The following ONECUT2 variants were observed in gnomAD, a reference collection of about 807,000 sequenced individuals.
ONECUT2 encodes one cut domain family member 2.
In ONECUT2, 10 loss-of-function variants were observed where a neutral mutation model predicts 27.9. The observed-to-expected ratio is 0.36, with a 90% CI of 0.22 to 0.61. The LOEUF (loss-of-function observed/expected upper bound fraction) is 0.61. Ranked by LOEUF, ONECUT2 falls within the 20% of genes least tolerant of loss-of-function variation. The pLI is 0.73. For missense variants in ONECUT2, 686 were observed against 721.0 expected (o/e 0.95, Z 0.56); for synonymous variants, 334 against 315.1 (o/e 1.06, Z -0.64).
chr18:57,457,424 G>A (rs1035825699), intron 1 of ONECUT2, among the ~76,000 whole-genome samples: 3 of 152,058 alleles, frequency 2.0e-5, no homozygotes, highest in East Asian at 1.9e-4. Flanking sequence ...CCTTACCCCA[G>A]GTTCTAGAAG....
chr18:57,470,838 G>A (rs1306726043), intron 1 of ONECUT2, among the ~76,000 whole-genome samples: 3 of 151,698 alleles, frequency 2.0e-5, no homozygotes, highest in Non-Finnish European at 4.4e-5. Flanking sequence ...TTCGGGAATG[G>A]GCCCTCCCCC....
At chr18:57,450,974 CT>C in intron 1 of ONECUT2, among the ~76,000 whole-genome samples, 1 of 152,070 alleles carries the variant, frequency 6.6e-6, no homozygotes, top group East Asian at 1.9e-4. Flanking sequence ...CCCTTTTTGA[CT>C]TTACTGTATA....
intron 1 of ONECUT2, among the ~76,000 whole-genome samples, chr18:57,455,281 A>G (rs1364884053): frequency 6.6e-6 from 1 of 152,236 alleles, no homozygotes; most frequent in African/African-American, 2.4e-5. Context: ...GAAAAGAAAG[A>G]AAACCTGTAG....
chr18:57,474,793 C>T (rs143792028), intron 1 of ONECUT2, among the ~76,000 whole-genome samples: 1 of 152,186 alleles, frequency 6.6e-6, no homozygotes, highest in Non-Finnish European at 1.5e-5. Flanking sequence ...ATGCAGTGCC[C>T]GAAGGCCAGG....
At chr18:57,460,993 T>C (rs1443867672) in intron 1 of ONECUT2, among the ~76,000 whole-genome samples, 4 of 152,258 alleles carry the variant, frequency 2.6e-5, no homozygotes, top group Admixed American at 2.0e-4. Flanking sequence ...CCCAAATCTT[T>C]ATTTATGTCC....
At position 57,476,560 on chromosome 18, in the gene ONECUT2, C is replaced by T. The variant is rs1385109761; in HGVS notation, c.1352C>T (p.Pro451Leu). The T allele has an allele frequency of 2.5e-6, 4 of 1,614,198 alleles. No individual in the cohort carries two copies. The highest frequency in any genetic ancestry group is 2.2e-5 in the East Asian group (1 of 44,880). Residue 451 changes from proline to leucine, a missense_variant, in exon 2 of 2, where the codon CCG becomes CTG. Around this residue, in one of 4 missense-constraint regions of ONECUT2, gnomAD observed 77 missense variants for 105.5 expected, o/e 0.73. Coordinates refer to ENST00000491143, the MANE Select transcript of ONECUT2 (RefSeq NM_004852.3). Reference sequence around the variant, plus strand: ...GCCATCTTCAAGGAGAACAAACGCCCGTCAAAGGAGATGCAGATCACCATT... The same window carrying T: ...GCCATCTTCAAGGAGAACAAACGCCTGTCAAAGGAGATGCAGATCACCATT... ...LFAIFKENKR[P>L]SKEMQITISQ...
chr18:57,476,134 T>G (rs552609416), intron 1 of ONECUT2, among the ~76,000 whole-genome samples: 2 of 152,210 alleles, frequency 1.3e-5, no homozygotes, highest in Admixed American at 1.3e-4. Flanking sequence ...ATTTCAGAGA[T>G]AAAGAATTTC....
At position 57,486,451 on chromosome 18, in the gene ONECUT2, A is replaced by T. The variant is rs2050438866; in HGVS notation, c.*9728A>T. Reference sequence around the variant, plus strand: ...TTTTTTCTAGTTCTTCACGGTTCCAAAGCTTTACTATGAACCTGGGCATGT... The same window carrying T: ...TTTTTTCTAGTTCTTCACGGTTCCATAGCTTTACTATGAACCTGGGCATGT... On this transcript the variant is annotated 3_prime_UTR_variant, in exon 2 of 2. Transcript: ENST00000491143. 1 of 152,542 alleles carries T rather than the reference A, an allele frequency of 6.6e-6. No homozygotes were observed. The highest frequency in any genetic ancestry group is 2.4e-5 in the African/African-American group (1 of 41,388). 9.4% of individuals were successfully genotyped at this position (152,542 alleles called of 1,614,324 possible).
intron 1 of ONECUT2, 98 bp downstream of exon 1, chr18:57,437,042 T>G: frequency 1.4e-6 from 2 of 1,455,804 alleles, no homozygotes; most frequent in South Asian, 2.9e-5. Context: ...TTCTCTTGAT[T>G]CTTTCCTTCT....
At chr18:57,452,508 T>A (rs12962152) in intron 1 of ONECUT2, among the ~76,000 whole-genome samples, 6,522 of 152,212 alleles carry the variant, frequency 0.043, 598 homozygotes, top group East Asian at 0.37. Flanking sequence ...CACTGCAACC[T>A]CCACCTACTG....
rs539751415 is a variant in ONECUT2, at chr18:57,489,875, A to G, written c.*13152A>G. The G allele has an allele frequency of 6.6e-6, 1 of 152,316 alleles. No individual in the cohort carries two copies. Among genetic ancestry groups the G allele is most frequent in the African/African-American group, 2.4e-5 (1 of 41,584 alleles). The allele number at this position is 152,316 out of a possible 1,614,324, so 9.4% of individuals were successfully genotyped here. ...CACATTGATAACTTGATAAATAACC[A>G]CTAAAGTTTAGATGCAGGGACTGAG... is the stretch of plus-strand genomic sequence containing the variant. On this transcript the variant is annotated 3_prime_UTR_variant, in exon 2 of 2. Coordinates refer to ENST00000491143, the MANE Select transcript of ONECUT2 (RefSeq NM_004852.3).
chr18:57,436,699 G>C lies in ONECUT2; in HGVS notation c.983G>C (p.Gly328Ala). The change falls in exon 1 of 2, where the codon GGC becomes GCC. Residue 328 changes from glycine (G) to alanine (A), a missense_variant. Gly to Ala is a moderately conservative substitution (Grantham distance 60). Around this residue, in one of 4 missense-constraint regions of ONECUT2, gnomAD observed 511 missense variants for 488.1 expected, o/e 1.05. Coordinates refer to ENST00000491143, the MANE Select transcript of ONECUT2 (RefSeq NM_004852.3). The surrounding 1 kb of genome is among the most constrained non-coding windows in gnomAD (Gnocchi z 5.9). ...SSSGSQVATS[G>A]QLEEINTKEV... ...TCGGGCTCGCAGGTGGCCACGTCGG[G>C]CCAGCTGGAAGAAATCAACACCAAA... is the stretch of plus-strand genomic sequence containing the variant. 1 of 1,613,590 alleles carries C rather than the reference G, an allele frequency of 6.2e-7. No individual in the cohort carries two copies. The highest frequency in any genetic ancestry group is 8.5e-7 in the Non-Finnish European group (1 of 1,180,006).
At chr18:57,456,795 A>AT (rs982277028) in intron 1 of ONECUT2, among the ~76,000 whole-genome samples, 1 of 152,218 alleles carries the variant, frequency 6.6e-6, no homozygotes, top group Non-Finnish European at 1.5e-5. Context: ...TGCTTGCTCA[A>AT]TTTTTAAAAA....
chr18:57,464,256 T>C (rs1246282856), intron 1 of ONECUT2, among the ~76,000 whole-genome samples: 2 of 152,178 alleles, frequency 1.3e-5, no homozygotes. Context: ...ACTCAACTTA[T>C]GTAAGCTTTT....
chr18:57,475,850 T>C (rs1301541962), intron 1 of ONECUT2, among the ~76,000 whole-genome samples: 1 of 152,192 alleles, frequency 6.6e-6, no homozygotes, highest in Non-Finnish European at 1.5e-5. Flanking sequence ...TTCTGTTTGT[T>C]TTGTTCTAAT....
At chr18:57,437,192 G>GCCCC (rs2050147389) in intron 1 of ONECUT2, among the ~76,000 whole-genome samples, 1 of 107,922 alleles carries the variant, frequency 9.3e-6, no homozygotes, top group African/African-American at 4.4e-5. Flanking sequence ...TTCATTGACC[G>GCCCC]ACCCCCCCCC....
Position 57,436,608 on chromosome 18 carries a change from C to T in ONECUT2, c.892C>T (p.Pro298Ser), listed in dbSNP as rs746158638. Residue 298 changes from proline (P) to serine (S), a missense_variant, in exon 1 of 2, where the codon CCG (proline) becomes TCG (serine). Around this residue, in one of 4 missense-constraint regions of ONECUT2, gnomAD observed 511 missense variants for 488.1 expected, o/e 1.05. Coordinates refer to ENST00000491143, the MANE Select transcript of ONECUT2 (RefSeq NM_004852.3). The surrounding 1 kb of genome is among the most constrained non-coding windows in gnomAD (Gnocchi z 5.9). ...MMSHLNGLHH[P>S]GHTQSHGPVL... ...GTCGCACCTGAACGGCCTGCACCAC[C>T]CGGGCCACACTCAGTCTCACGGGCC... 1.2e-6 allele frequency: 2 copies of T among 1,610,800 alleles called. No homozygotes were observed. Among genetic ancestry groups the T allele is most frequent in the East Asian group, 2.2e-5 (1 of 44,872 alleles).
In ONECUT2 at chr18:57,469,561, C is replaced by T. The variant is rs950618757; in HGVS notation, c.1229-6876C>T. Among the ~76,000 whole-genome samples, 26 of 152,210 alleles carry T rather than the reference C, an allele frequency of 1.7e-4. 1 individual carries two copies. The highest frequency in any genetic ancestry group is 7.3e-5 in the Non-Finnish European group (5 of 68,030). ...CCAAAACCTTTTAGGATCTCTGACA[C>T]GTATGTAAAAACACGTCGTAGTCTT... On this transcript the variant is annotated intron_variant, in intron 1 of 1. Coordinates refer to ENST00000491143, the MANE Select transcript of ONECUT2 (RefSeq NM_004852.3).
intron 1 of ONECUT2, among the ~76,000 whole-genome samples, chr18:57,472,525 G>T (rs2050359438): frequency 6.6e-6 from 1 of 152,080 alleles, no homozygotes; most frequent in Admixed American, 6.5e-5. Flanking sequence ...ATTATTTAGG[G>T]CATTTGGGCT....
Sources: gnomAD v4.1 joint callset for allele counts (sites outside exome capture counted in the v4.1 genomes callset) on GRCh38, gnomAD v4.1.1 for gene constraint, gnomAD v4.1.1 regional missense constraint, Gnocchi (gnomAD v3.1) non-coding constraint, MANE v1.5 for transcripts, NCBI Gene and HGNC (gene_info 2026-07-23, HGNC 2026-07-21) for gene names.